The following TRAF3 variants were observed in gnomAD, a reference collection of about 807,000 sequenced individuals.
TRAF3 encodes TNF receptor-associated factor 3.
TRAF3 carries 13 observed loss-of-function variants against 62.3 expected under a neutral mutation model. The ratio of observed to expected loss-of-function variants is 0.21; its 90% CI spans 0.14 to 0.33. The LOEUF is 0.33. Ranked by LOEUF, TRAF3 falls within the 10% of genes least tolerant of loss-of-function variation. The pLI is 1.00. For synonymous variants in TRAF3, 269 were observed against 283.4 expected (o/e 0.95, Z 0.51); for missense variants, 440 against 741.8 (o/e 0.59, Z 4.73).
intron 3 of TRAF3, 137 bp downstream of exon 3, chr14:102,870,583 C>A: frequency 8.2e-7 from 1 of 1,222,440 alleles, no homozygotes; most frequent in Non-Finnish European, 1.1e-6. Flanking sequence ...CCGGGCCCAG[C>A]TTGTGAATCC....
chr14:102,846,638 T>TAA (rs752922791), intron 2 of TRAF3, among the ~76,000 whole-genome samples: 15,799 of 71,538 alleles, frequency 0.22, 2,117 homozygotes, highest in African/African-American at 0.31. Flanking sequence ...TCCAGCTTCT[T>TAA]AAAAAAAAAA....
intron 9 of TRAF3, among the ~76,000 whole-genome samples, chr14:102,894,394 A>C (rs1350210381): frequency 6.6e-6 from 1 of 152,200 alleles, no homozygotes; most frequent in Non-Finnish European, 1.5e-5. Flanking sequence ...GGACTTAAAA[A>C]CACCCATTTT....
chr14:102,805,716 A>G (rs983212930), intron 1 of TRAF3, among the ~76,000 whole-genome samples: 2 of 152,228 alleles, frequency 1.3e-5, no homozygotes, highest in African/African-American at 4.8e-5. Context: ...GAGGTTAGTC[A>G]TGCATTCCCT....
intron 4 of TRAF3, among the ~76,000 whole-genome samples, 189 bp from the exon 5 acceptor site, chr14:102,875,435 G>T (rs1307613465): frequency 2.6e-5 from 4 of 151,626 alleles, no homozygotes; most frequent in Non-Finnish European, 5.9e-5. Flanking sequence ...TATTTAAATT[G>T]TGTCTCTTAG....
At chr14:102,837,152 G>C (rs982331514) in intron 2 of TRAF3, among the ~76,000 whole-genome samples, 25 of 150,208 alleles carry the variant, frequency 1.7e-4, no homozygotes, top group African/African-American at 6.1e-4. Flanking sequence ...GTTTTTTTTG[G>C]GGGGGGGTGA....
Position 102,839,210 on chromosome 14 carries a change from C to CCTTTTTTTTTTTT in TRAF3, c.-18+8738_-18+8739insCTTTTTTTTTTTT, listed in dbSNP as rs1310697452. Among the ~76,000 whole-genome samples the CCTTTTTTTTTTTT allele has an allele frequency of 2.2e-5, 2 of 89,836 alleles. 1 individual carries two copies. Among genetic ancestry groups the CCTTTTTTTTTTTT allele is most frequent in the African/African-American group, 8.9e-5 (2 of 22,590 alleles). 58.9% of individuals were successfully genotyped at this position (89,836 alleles called of 152,430 possible). The stretch of plus-strand genomic sequence containing the variant: ...GAGAGATGCTTATTGGTTGATTTGC[C>CCTTTTTTTTTTTT]TTTTTTTTTTTTTTTTTTTTTTTTT... On this transcript the variant is annotated intron_variant, in intron 2 of 11. Transcript: ENST00000392745.
intron 2 of TRAF3, among the ~76,000 whole-genome samples, chr14:102,838,292 CT>C (rs761632369): frequency 1.7e-4 from 26 of 152,204 alleles, no homozygotes; most frequent in Non-Finnish European, 3.5e-4. Flanking sequence ...ACATTGCTGT[CT>C]TCAGAAAGCT....
At chr14:102,858,431 G>A (rs1887502747) in intron 2 of TRAF3, among the ~76,000 whole-genome samples, 1 of 152,166 alleles carries the variant, frequency 6.6e-6, no homozygotes, top group South Asian at 2.1e-4. Flanking sequence ...GGGATTACAG[G>A]CGTTAGCCAC....
intron 2 of TRAF3, among the ~76,000 whole-genome samples, chr14:102,839,925 T>A (rs1308201509): frequency 6.6e-6 from 1 of 152,186 alleles, no homozygotes; most frequent in Non-Finnish European, 1.5e-5. Context: ...TTCAAAGACA[T>A]CTCTGAGAAT....
At chr14:102,860,667 A>T (rs1256250590) in intron 2 of TRAF3, among the ~76,000 whole-genome samples, 1 of 152,234 alleles carries the variant, frequency 6.6e-6, no homozygotes, top group African/African-American at 2.4e-5. Flanking sequence ...GGTCACCCAA[A>T]TGCCAACCAG....
intron 1 of TRAF3, among the ~76,000 whole-genome samples, chr14:102,787,857 CTTT>C (rs1251817577): frequency 8.3e-6 from 1 of 120,726 alleles, no homozygotes; most frequent in Non-Finnish European, 1.8e-5. Context: ...TTTCCTTTTT[CTTT>C]TTTTTTTTTT....
rs566505167 is a variant in TRAF3, at chr14:102,800,205, C to T, written c.-157+22530C>T. On this transcript the variant is annotated intron_variant, in intron 1 of 11. Transcript: ENST00000392745. ...AATTTTTAAAGAACTCCTGGGAGTG[C>T]TGATGCCCTGCTGGACTGGGAGCCT... 3.9e-5 allele frequency among the ~76,000 whole-genome samples: 6 copies of T among 152,294 alleles called. 1 individual carries two copies. The South Asian group carries it at 1.2e-3, about 32-fold the overall frequency.
At chr14:102,815,860 C>G (rs566506613) in intron 1 of TRAF3, among the ~76,000 whole-genome samples, 1 of 152,104 alleles carries the variant, frequency 6.6e-6, no homozygotes, top group Admixed American at 6.6e-5. Flanking sequence ...ACCATCAGAT[C>G]TGGTGATAAT....
chr14:102,865,043 T>C (rs1356903796), intron 2 of TRAF3, among the ~76,000 whole-genome samples: 1 of 152,182 alleles, frequency 6.6e-6, no homozygotes, highest in East Asian at 1.9e-4. Flanking sequence ...AGACATCATG[T>C]CTATTGTCCT....
intron 2 of TRAF3, among the ~76,000 whole-genome samples, chr14:102,848,778 A>C (rs936903825): frequency 6.6e-6 from 1 of 152,142 alleles, no homozygotes; most frequent in African/African-American, 2.4e-5. Context: ...AGTAGTCAGA[A>C]GTTCCCTCAT....
At chr14:102,791,399 T>C (rs1290079229) in intron 1 of TRAF3, among the ~76,000 whole-genome samples, 1 of 152,236 alleles carries the variant, frequency 6.6e-6, no homozygotes, top group East Asian at 1.9e-4. Flanking sequence ...GTACAAATCA[T>C]TCATCTCTTT....
At chr14:102,872,526 C>T (rs540458470) in intron 4 of TRAF3, among the ~76,000 whole-genome samples, 1 of 152,354 alleles carries the variant, frequency 6.6e-6, no homozygotes, top group South Asian at 2.1e-4. Context: ...CCGTGGGCGT[C>T]TCTGCACATT....
At position 102,906,058 on chromosome 14, in the gene TRAF3, A is replaced by C. The variant is rs1890571591; in HGVS notation, c.*274A>C. On this transcript the variant is annotated 3_prime_UTR_variant, in exon 12 of 12. Coordinates refer to ENST00000392745, the MANE Select transcript of TRAF3 (RefSeq NM_145725.3). ...TTTTCATTTTCATTTTTAAAGATCT[A>C]GTTAATTAAGGTGGAAAACATATAT... The C allele has an allele frequency of 2.6e-6, 1 of 382,878 alleles. No homozygotes were observed. Among genetic ancestry groups the C allele is most frequent in the Non-Finnish European group, 4.7e-6 (1 of 212,850 alleles). The allele number at this position is 382,878 out of a possible 1,614,324, so 23.7% of individuals were successfully genotyped here.
intron 1 of TRAF3, among the ~76,000 whole-genome samples, chr14:102,799,248 A>G (rs979769111): frequency 4.6e-5 from 7 of 152,318 alleles, no homozygotes; most frequent in Middle Eastern, 3.4e-3. Context: ...CTTAGCAGAC[A>G]TCAGAGGACC....
Sources: gnomAD v4.1 joint callset for allele counts (sites outside exome capture counted in the v4.1 genomes callset) on GRCh38, gnomAD v4.1.1 for gene constraint, MANE v1.5 for transcripts, NCBI Gene and HGNC (gene_info 2026-07-23, HGNC 2026-07-21) for gene names.